NMNAT1: variants seen among roughly 807,000 people sequenced by gnomAD.
NMNAT1 encodes nicotinamide/nicotinic acid mononucleotide adenylyltransferase 1.
NMNAT1 carries 11 observed loss-of-function variants against 16.7 expected under a neutral mutation model. The ratio of observed to expected loss-of-function variants is 0.66; its 90% CI spans 0.41 to 1.09. NMNAT1 has a LOEUF of 1.09. Among genes scored for constraint, NMNAT1 ranks in the 50% least tolerant of loss-of-function variants. The pLI is 0.00. For synonymous variants in NMNAT1, 110 were observed against 119.8 expected, an observed-to-expected ratio of 0.92 and a Z score of 0.53; for missense variants, 280 against 332.3, an observed-to-expected ratio of 0.84 and a Z score of 1.22.
the NMNAT1 span, among the ~76,000 whole-genome samples, chr1:9,994,761 G>A: frequency 7.2e-5 from 11 of 151,842 alleles, no homozygotes; most frequent in Non-Finnish European, 1.3e-4. Flanking sequence ...ACAGGTGCCC[G>A]CCACCACGCC....
chr1:9,955,511 A>G (rs1026070032), intron 1 of NMNAT1, among the ~76,000 whole-genome samples: 11 of 152,022 alleles, frequency 7.2e-5, no homozygotes, highest in African/African-American at 2.7e-4. Context: ...AGGCTGAGGC[A>G]GGAGAATCAC....
the NMNAT1 span, among the ~76,000 whole-genome samples, chr1:9,990,638 TG>T: frequency 6.6e-6 from 1 of 152,174 alleles, no homozygotes; most frequent in Non-Finnish European, 1.5e-5. Flanking sequence ...GAGGTATGGA[TG>T]GTGTGGAGTC....
At chr1:9,961,475 CAG>C (rs1570690296) in intron 1 of NMNAT1, among the ~76,000 whole-genome samples, 1 of 152,080 alleles carries the variant, frequency 6.6e-6, no homozygotes, top group South Asian at 2.1e-4. Context: ...CTGTAGGCCT[CAG>C]GGTACTATGG....
intron 1 of NMNAT1, among the ~76,000 whole-genome samples, chr1:9,953,730 C>T (rs1293902068): frequency 6.6e-6 from 1 of 151,310 alleles, no homozygotes; most frequent in Non-Finnish European, 1.5e-5. Flanking sequence ...CATGAGCCAC[C>T]ACACCCGGCC....
At chr1:9,993,888 G>T in the NMNAT1 span, among the ~76,000 whole-genome samples, 2 of 152,152 alleles carry the variant, frequency 1.3e-5, no homozygotes, top group South Asian at 4.1e-4. Context: ...GCCAAGTGGA[G>T]ACGTCAAGTA....
chr1:9,996,309 CAAAA>C, the NMNAT1 span, among the ~76,000 whole-genome samples: 1 of 101,908 alleles, frequency 9.8e-6, no homozygotes, highest in Non-Finnish European at 2.0e-5. Context: ...GACTCCGTCT[CAAAA>C]AAAAAAAAAA....
At chr1:9,980,350 G>T (rs1641913437) in intron 3 of NMNAT1, among the ~76,000 whole-genome samples, 1 of 151,734 alleles carries the variant, frequency 6.6e-6, no homozygotes, top group Non-Finnish European at 1.5e-5. Flanking sequence ...AATAATGTTG[G>T]CCAGGCACCT....
intron 1 of NMNAT1, among the ~76,000 whole-genome samples, chr1:9,951,810 G>C (rs1345969744): frequency 6.6e-6 from 1 of 152,010 alleles, no homozygotes; most frequent in Non-Finnish European, 1.5e-5. Context: ...ACTACTTTTC[G>C]AAGCTCTAGT....
intron 1 of NMNAT1, among the ~76,000 whole-genome samples, chr1:9,945,173 G>T (rs189926854): frequency 1.1e-4 from 16 of 152,294 alleles, no homozygotes; most frequent in African/African-American, 3.6e-4. Flanking sequence ...GGTGAATGCT[G>T]CAGTGAGCCA....
intron 1 of NMNAT1, among the ~76,000 whole-genome samples, 174 bp downstream of exon 1, chr1:9,943,689 A>G (rs1032829410): frequency 6.6e-6 from 1 of 152,198 alleles, no homozygotes. Context: ...TGGAACGGAA[A>G]ACTTCGGTAA....
At chr1:9,974,087 G>A (rs1001493763) in intron 2 of NMNAT1, among the ~76,000 whole-genome samples, 2 of 151,956 alleles carry the variant, frequency 1.3e-5, no homozygotes, top group South Asian at 2.1e-4. Context: ...ATCCTCCCAC[G>A]TCGGCCTCCC....
chr1:9,946,428 A>G (rs1369131381), intron 1 of NMNAT1, among the ~76,000 whole-genome samples: 1 of 152,192 alleles, frequency 6.6e-6, no homozygotes, highest in Non-Finnish European at 1.5e-5. Flanking sequence ...GCTCCTTGGC[A>G]GCGGGAGGAG....
At chr1:9,976,116 G>A (rs917849363) in intron 3 of NMNAT1, among the ~76,000 whole-genome samples, 7 of 151,810 alleles carry the variant, frequency 4.6e-5, no homozygotes, top group African/African-American at 9.7e-5. Flanking sequence ...GTGAAAACCC[G>A]TCTCTACTAA....
chr1:9,946,563 GCT>G (rs1369418305), intron 1 of NMNAT1, among the ~76,000 whole-genome samples: 1 of 152,194 alleles, frequency 6.6e-6, no homozygotes, highest in Admixed American at 6.6e-5. Flanking sequence ...GGAGCCAAAG[GCT>G]CTCTGAACAC....
chr1:9,982,199 A>G (rs1641963254), intron 4 of NMNAT1, 102 bp from the exon 5 acceptor site: 2 of 1,436,736 alleles, frequency 1.4e-6, no homozygotes, highest in Non-Finnish European at 1.9e-6. Context: ...ACGTATCTTC[A>G]TTTTGATACA....
intron 1 of NMNAT1, among the ~76,000 whole-genome samples, chr1:9,965,956 C>G (rs1382111529): frequency 6.8e-6 from 1 of 147,720 alleles, no homozygotes; most frequent in Admixed American, 6.8e-5. Flanking sequence ...CCATTGGACT[C>G]CAGCCTGGGC....
At chr1:9,989,413 G>A (rs1367087940), downstream of NMNAT1, among the ~76,000 whole-genome samples, 3 of 151,958 alleles carry the variant, frequency 2.0e-5, no homozygotes, top group East Asian at 5.8e-4. Flanking sequence ...AGCCAAGATC[G>A]CGCCACTACA....
chr1:9,994,735 C>T, the NMNAT1 span, among the ~76,000 whole-genome samples: 5 of 152,094 alleles, frequency 3.3e-5, no homozygotes, highest in East Asian at 9.7e-4. Context: ...CCTCAGCCTC[C>T]CGAGTAGCTG....
chr1:9,977,041 G>A (rs1214776829), intron 3 of NMNAT1, among the ~76,000 whole-genome samples: 3 of 151,368 alleles, frequency 2.0e-5, no homozygotes. Context: ...CAAGTAGCTG[G>A]GATTACAGGC....
Sources: gnomAD v4.1 joint callset for allele counts (sites outside exome capture counted in the v4.1 genomes callset) on GRCh38, gnomAD v4.1.1 for gene constraint, MANE v1.5 for transcripts, NCBI Gene and HGNC (gene_info 2026-07-23, HGNC 2026-07-21) for gene names.